Variants in NCOA4 observed in about 807,000 individuals in gnomAD.
NCOA4 encodes the protein 70 kDa AR-activator.
Under a neutral mutation model 69.5 loss-of-function variants are expected in NCOA4, and 31 were observed. That is an observed-to-expected ratio of 0.45 (90% CI 0.34 to 0.60). NCOA4 has a LOEUF of 0.60. Ranked by LOEUF, NCOA4 falls within the 20% of genes least tolerant of loss-of-function variation. NCOA4 has a pLI of 0.02. For synonymous variants in NCOA4, 228 were observed against 252.4 expected, an observed-to-expected ratio of 0.90 and a Z score of 0.92; for missense variants, 600 against 719.2, an observed-to-expected ratio of 0.83 and a Z score of 1.90.
chr10:46,012,073 A>G (rs1839253196), intron 7 of NCOA4, among the ~76,000 whole-genome samples: 5 of 45,424 alleles, frequency 1.1e-4, no homozygotes, highest in Non-Finnish European at 2.3e-4. Context: ...AAAGAAAGAA[A>G]AAAAAAAAAA....
intron 1 of NCOA4, among the ~76,000 whole-genome samples, chr10:46,021,113 A>G (rs1554924274): frequency 6.6e-6 from 1 of 152,202 alleles, no homozygotes; most frequent in Non-Finnish European, 1.5e-5. Context: ...CTATTTGTGA[A>G]GTCTGAAGAT....
In NCOA4 at chr10:46,009,566, A is replaced by G; in HGVS notation, c.1699-15T>C. On this transcript the variant is annotated splice_polypyrimidine_tract_variant and intron_variant, in intron 8 of 9. Transcript: ENST00000581486. ...AGTAATACTTCCTGCAATAAAAGAA[A>G]AGAGTAGGTTGCTTCATGAAAACAA... is the stretch of plus-strand genomic sequence containing the variant. 6.2e-7 allele frequency: 1 copy of G among 1,600,872 alleles called. No homozygotes were observed. The highest frequency in any genetic ancestry group is 8.5e-7 in the Non-Finnish European group (1 of 1,175,234).
At chr10:46,009,155 C>T (rs1459951738) in intron 9 of NCOA4, 2 of 1,550,664 alleles carry the variant, frequency 1.3e-6, no homozygotes, top group Non-Finnish European at 1.7e-6. Context: ...TACTAGAATC[C>T]ACATGGGATC....
At position 46,005,308 on chromosome 10, in the gene NCOA4, T is replaced by G. The variant is rs556290659; in HGVS notation, c.*1284A>C. ...CTTTATATAATACTCCTAAATGATA[T>G]CTGGGGAGGGAATTAAAAAATAATA... On this transcript the variant is annotated 3_prime_UTR_variant, in exon 10 of 10. Transcript: ENST00000581486. 4 of 214,442 alleles carry G rather than the reference T, an allele frequency of 1.9e-5. No homozygotes were observed. In the Admixed American group the frequency reaches 2.3e-4, roughly 13 times the overall value. The allele number at this position is 214,442 out of a possible 1,614,324, so 13.3% of individuals were successfully genotyped here. A position where few individuals can be genotyped will look rare whatever the true frequency, so the allele number is the denominator to read the frequency against.
At chr10:46,027,734 G>A (rs1554925805) in intron 1 of NCOA4, among the ~76,000 whole-genome samples, 1 of 152,192 alleles carries the variant, frequency 6.6e-6, no homozygotes, top group Non-Finnish European at 1.5e-5. Context: ...GTGAACAGAG[G>A]CAGTGAATTC....
intron 2 of NCOA4, 87 bp from the exon 3 acceptor site, chr10:46,015,353 T>G (rs117273914): frequency 0.1 from 27,222 of 273,040 alleles, 802 homozygotes; most frequent in Middle Eastern, 0.12. Context: ...AAACTTTTTT[T>G]GGGGGGGTGG....
intron 7 of NCOA4, 103 bp from the exon 8 acceptor site, chr10:46,011,309 C>T: frequency 8.1e-7 from 1 of 1,233,066 alleles, no homozygotes; most frequent in Non-Finnish European, 1.1e-6. Flanking sequence ...ACTCTGTCGC[C>T]CAGGCTGGAG....
intron 1 of NCOA4, among the ~76,000 whole-genome samples, chr10:46,029,499 A>T (rs552179409): frequency 6.6e-6 from 1 of 152,324 alleles, no homozygotes; most frequent in South Asian, 2.1e-4. Flanking sequence ...GCCAACTATG[A>T]CTTCCTGTGC....
chr10:46,015,576 C>T (rs1839493384), intron 2 of NCOA4, among the ~76,000 whole-genome samples: 1 of 152,158 alleles, frequency 6.6e-6, no homozygotes, highest in African/African-American at 2.4e-5. Context: ...CAATACCCAG[C>T]CTTCTAAGAG....
At chr10:46,024,147 T>C (rs1411071382) in intron 1 of NCOA4, among the ~76,000 whole-genome samples, 1 of 152,198 alleles carries the variant, frequency 6.6e-6, no homozygotes, top group Non-Finnish European at 1.5e-5. Flanking sequence ...AATCCAGGCA[T>C]TCATTATCAA....
rs1554919278 is a variant in NCOA4, at chr10:46,005,439, TAAG to T, written c.*1150_*1152del. 3.5e-4 allele frequency: 76 copies of T among 219,322 alleles called. 1 individual carries two copies. Among genetic ancestry groups the T allele is most frequent in the South Asian group, 1.8e-3 (10 of 5,432 alleles). 13.6% of individuals were successfully genotyped at this position (219,322 alleles called of 1,614,324 possible). On this transcript the variant is annotated 3_prime_UTR_variant, in exon 10 of 10. Coordinates refer to ENST00000581486, the MANE Select transcript of NCOA4 (RefSeq NM_001145263.2). ...AGAAGTATTTCCGGTAAGAGGCAGT[TAAG>T]AAGCTTAATAGTTTCAAAGTCTGGA...
At chr10:46,012,533 G>GA (rs570920930) in intron 7 of NCOA4, among the ~76,000 whole-genome samples, 23 of 148,324 alleles carry the variant, frequency 1.6e-4, no homozygotes, top group East Asian at 5.9e-4. Flanking sequence ...TTATCCTGGT[G>GA]AAAAAAAAAA....
chr10:46,007,581 CTTTTTTTTTTTTTTT>C (rs71026287), intron 9 of NCOA4, among the ~76,000 whole-genome samples: 1 of 85,474 alleles, frequency 1.2e-5, no homozygotes, highest in African/African-American at 4.9e-5. Context: ...GCCAGTGACT[CTTTTTTTTTTTTTTT>C]TTTTTTTTTT....
Position 46,014,840 on chromosome 10 carries a change from A to C in NCOA4, c.371+14T>G. On this transcript the variant is annotated intron_variant, in intron 4 of 9. Transcript: ENST00000581486. ...CAAGAGTCAAAAGTTAAAATACGCA[A>C]AAAGGGTCATTACCTCTCCAGGCAC... The C allele has an allele frequency of 6.2e-7, 1 of 1,606,718 alleles. No individual in the cohort carries two copies. Among genetic ancestry groups the C allele is most frequent in the East Asian group, 2.2e-5 (1 of 44,850 alleles).
At chr10:46,028,824 C>G (rs948397084) in intron 1 of NCOA4, among the ~76,000 whole-genome samples, 2 of 151,976 alleles carry the variant, frequency 1.3e-5, no homozygotes, top group Non-Finnish European at 2.9e-5. Flanking sequence ...GCAGAAAATA[C>G]TAATTCTTTG....
At chr10:46,023,085 C>G (rs1427642982) in intron 1 of NCOA4, among the ~76,000 whole-genome samples, 1 of 152,194 alleles carries the variant, frequency 6.6e-6, no homozygotes, top group African/African-American at 2.4e-5. Flanking sequence ...GAAAACCGAC[C>G]GCAAGGCATT....
At position 46,015,268 on chromosome 10, in the gene NCOA4, T is replaced by C; in HGVS notation, c.142-2A>G. 1.9e-6 allele frequency: 3 copies of C among 1,589,464 alleles called. No individual in the cohort carries two copies. The highest frequency in any genetic ancestry group is 2.6e-6 in the Non-Finnish European group (3 of 1,167,516). On this transcript the variant is annotated splice_acceptor_variant, in intron 2 of 9. Transcript: ENST00000581486. LOFTEE classifies it high-confidence loss of function. ...GCAACTGTGAATCTGAGCTTTGACCTAGGAAACACATACATGTTAGCTTCC... is the reference window on the plus strand; with the variant it reads ...GCAACTGTGAATCTGAGCTTTGACCCAGGAAACACATACATGTTAGCTTCC...
At chr10:46,020,290 AC>A (rs1839798986) in intron 1 of NCOA4, among the ~76,000 whole-genome samples, 1 of 152,116 alleles carries the variant, frequency 6.6e-6, no homozygotes, top group Non-Finnish European at 1.5e-5. Context: ...CAAGCTTGAG[AC>A]CCCTGAGCTA....
intron 1 of NCOA4, among the ~76,000 whole-genome samples, chr10:46,017,850 G>C (rs1839658224): frequency 6.6e-6 from 1 of 152,190 alleles, no homozygotes; most frequent in Non-Finnish European, 1.5e-5. Flanking sequence ...AAAAGCTACT[G>C]CAAGAACAAT....
Sources: allele counts gnomAD v4.1 joint callset (sites outside exome capture counted in the v4.1 genomes callset), GRCh38; gene constraint gnomAD v4.1.1; transcripts MANE v1.5; gene names NCBI Gene and HGNC (gene_info 2026-07-23, HGNC 2026-07-21).